The following NETO1 variants were observed in gnomAD, a reference collection of about 807,000 sequenced individuals.
The protein encoded by NETO1 is neuropilin and tolloid like 1.
In NETO1, 26 loss-of-function variants were observed where a neutral mutation model predicts 61.3. That is an observed-to-expected ratio of 0.42 (90% confidence interval 0.31 to 0.59). The LOEUF is 0.59. Among genes scored for constraint, NETO1 ranks in the 20% least tolerant of loss-of-function variants. The pLI is 0.12. For missense variants in NETO1, 531 were observed against 662.8 expected, an observed-to-expected ratio of 0.80 and a Z score of 2.18; for synonymous variants, 225 against 225.8, an observed-to-expected ratio of 1.00 and a Z score of 0.03.
intron 4 of NETO1, among the ~76,000 whole-genome samples, chr18:72,833,682 G>C (rs1882405436): frequency 6.6e-6 from 1 of 152,110 alleles, no homozygotes; most frequent in African/African-American, 2.4e-5. Context: ...GTAGTGGGGT[G>C]AGAACCAGAA....
At position 72,750,368 on chromosome 18, in the gene NETO1, T is replaced by C. The variant is rs1314836336; in HGVS notation, c.1235A>G (p.Asp412Gly). 1.9e-6 allele frequency: 3 copies of C among 1,614,110 alleles called. No individual in the cohort carries two copies. The Admixed American group carries it at 5.0e-5, about 27-fold the overall frequency. ...GATADFADVADDFENYHKLRR... is the reference protein window; with the variant it reads ...GATADFADVAGDFENYHKLRR... Reference sequence around the variant, plus strand: ...CAGTTTATGGTAATTTTCAAAGTCATCTGCCACATCTGCAAAGTCAGCTGT... The same window carrying C: ...CAGTTTATGGTAATTTTCAAAGTCACCTGCCACATCTGCAAAGTCAGCTGT... The change falls in exon 9 of 11, where the codon GAT becomes GGT. Residue 412 changes from aspartate (D) to glycine (G), a missense_variant. Coordinates refer to ENST00000327305, the MANE Select transcript of NETO1 (RefSeq NM_138966.5).
chr18:72,794,731 T>A (rs566451931), intron 4 of NETO1, among the ~76,000 whole-genome samples: 1 of 152,298 alleles, frequency 6.6e-6, no homozygotes, highest in South Asian at 2.1e-4. Flanking sequence ...ATTAAATTAG[T>A]CATATTATCT....
chr18:72,865,719 T>C, intron 1 of NETO1: 1 of 1,521,222 alleles, frequency 6.6e-7, no homozygotes, highest in East Asian at 2.5e-5. Flanking sequence ...AATAAATACT[T>C]AGACAAATCC....
chr18:72,860,187 C>T lies in NETO1; in HGVS notation c.221-1113G>A, dbSNP rs571914483. ...CTGAAATGTCAACATATATGTATCCCGGTTAGTAAACAGCTGTTGCCTGAA... is the reference window on the plus strand; with the variant it reads ...CTGAAATGTCAACATATATGTATCCTGGTTAGTAAACAGCTGTTGCCTGAA... On this transcript the variant is annotated intron_variant, in intron 3 of 10. Transcript: ENST00000327305. 2.4e-4 allele frequency among the ~76,000 whole-genome samples: 37 copies of T among 152,308 alleles called. 1 individual carries two copies. In the South Asian group the frequency reaches 6.6e-3, roughly 27 times the overall value.
chr18:72,765,476 T>A (rs538124519), intron 7 of NETO1, among the ~76,000 whole-genome samples: 1 of 152,242 alleles, frequency 6.6e-6, no homozygotes, highest in East Asian at 1.9e-4. Flanking sequence ...TGGAGTGAAG[T>A]GGCATGATCT....
intron 4 of NETO1, among the ~76,000 whole-genome samples, chr18:72,796,921 T>G (rs577395606): frequency 6.6e-6 from 1 of 152,222 alleles, no homozygotes; most frequent in Non-Finnish European, 1.5e-5. Context: ...TAGTTATTAT[T>G]TCAATAAATA....
intron 7 of NETO1, among the ~76,000 whole-genome samples, chr18:72,756,762 G>C (rs983079423): frequency 1.3e-5 from 2 of 151,970 alleles, no homozygotes; most frequent in Non-Finnish European, 2.9e-5. Context: ...ACATTCTAGT[G>C]ATTTGATGTA....
chr18:72,781,353 T>G (rs1344778108), intron 7 of NETO1, among the ~76,000 whole-genome samples: 1 of 152,154 alleles, frequency 6.6e-6, no homozygotes, highest in African/African-American at 2.4e-5. Flanking sequence ...TTGAATTGGG[T>G]AGATCAATCA....
intron 7 of NETO1, among the ~76,000 whole-genome samples, chr18:72,780,521 T>C (rs976919380): frequency 6.6e-6 from 1 of 152,214 alleles, no homozygotes; most frequent in African/African-American, 2.4e-5. Flanking sequence ...AAGGGATCTT[T>C]GATGTTAGCC....
intron 7 of NETO1, among the ~76,000 whole-genome samples, chr18:72,757,220 G>A (rs2145112078): frequency 6.6e-6 from 1 of 152,038 alleles, no homozygotes; most frequent in Non-Finnish European, 1.5e-5. Context: ...GTACTATTTA[G>A]ACACTGCAGT....
At chr18:72,770,302 G>C (rs1366716141) in intron 7 of NETO1, among the ~76,000 whole-genome samples, 1 of 151,806 alleles carries the variant, frequency 6.6e-6, no homozygotes, top group Non-Finnish European at 1.5e-5. Flanking sequence ...CCTGTTGCCT[G>C]CTGTTGTCTT....
chr18:72,853,565 C>T (rs1490339717), intron 4 of NETO1, among the ~76,000 whole-genome samples: 1 of 152,060 alleles, frequency 6.6e-6, no homozygotes, highest in South Asian at 2.1e-4. Flanking sequence ...CAAGACTGGT[C>T]TGGCCAACAT....
At chr18:72,790,768 G>A (rs1027215177) in intron 6 of NETO1, among the ~76,000 whole-genome samples, 2 of 152,064 alleles carry the variant, frequency 1.3e-5, no homozygotes, top group African/African-American at 4.8e-5. Flanking sequence ...TCCTTCAAAT[G>A]TTTGAAGATT....
At chr18:72,778,868 C>A (rs2145210382) in intron 7 of NETO1, among the ~76,000 whole-genome samples, 1 of 152,250 alleles carries the variant, frequency 6.6e-6, no homozygotes, top group South Asian at 2.1e-4. Context: ...CCACTGCCAC[C>A]TATTTTGAGG....
intron 10 of NETO1, 124 bp downstream of exon 10, chr18:72,748,890 A>G (rs1330981315): frequency 4.3e-6 from 3 of 703,508 alleles, no homozygotes; most frequent in Non-Finnish European, 7.7e-6. Flanking sequence ...TAATTGTGAA[A>G]TGTCATGAAA....
At chr18:72,778,350 ATTC>A (rs1289157349) in intron 7 of NETO1, among the ~76,000 whole-genome samples, 1 of 152,170 alleles carries the variant, frequency 6.6e-6, no homozygotes, top group African/African-American at 2.4e-5. Context: ...ATGTTTTCTC[ATTC>A]TTTACAATAT....
downstream of NETO1, chr18:72,743,744 G>A (rs2070374818): frequency 6.6e-6 from 1 of 152,000 alleles, no homozygotes; most frequent in South Asian, 2.1e-4. Flanking sequence ...TGAATAAAGA[G>A]TACAAATTTG....
At chr18:72,767,216 T>C (rs908575463) in intron 7 of NETO1, among the ~76,000 whole-genome samples, 16 of 152,206 alleles carry the variant, frequency 1.1e-4, no homozygotes, top group African/African-American at 3.4e-4. Context: ...GTTCAGAGGC[T>C]ATCAATTAAA....
chr18:72,789,198 A>G (rs931943463), intron 6 of NETO1, among the ~76,000 whole-genome samples: 2 of 142,266 alleles, frequency 1.4e-5, no homozygotes, highest in Non-Finnish European at 1.5e-5. Flanking sequence ...TTTATAAAAT[A>G]TTAACACACA....
Sources: gnomAD v4.1 joint callset for allele counts (sites outside exome capture counted in the v4.1 genomes callset) on GRCh38, gnomAD v4.1.1 for gene constraint, MANE v1.5 for transcripts, NCBI Gene and HGNC (gene_info 2026-07-23, HGNC 2026-07-21) for gene names.